The following B3GALT1 variants were observed in gnomAD, a reference collection of about 807,000 sequenced individuals.
B3GALT1 encodes UDP-Gal:betaGlcNAc beta 1,3-galactosyltransferase, polypeptide 1.
Under a neutral mutation model 23.2 loss-of-function variants are expected in B3GALT1, and 10 were observed. That is an observed-to-expected ratio of 0.43 (90% CI 0.27 to 0.73). B3GALT1 has a LOEUF of 0.73. Among genes scored for constraint, B3GALT1 ranks in the 30% least tolerant of loss-of-function variants. The pLI, the probability that B3GALT1 is intolerant of heterozygous loss-of-function variation, is 0.21. For synonymous variants in B3GALT1, 156 were observed against 141.5 expected, an observed-to-expected ratio of 1.10 and a Z score of -0.73; for missense variants, 299 against 405.4, an observed-to-expected ratio of 0.74 and a Z score of 2.25.
intron 3 of B3GALT1, among the ~76,000 whole-genome samples, chr2:167,740,514 CAA>C (rs1048173409): frequency 5.9e-5 from 9 of 151,914 alleles, no homozygotes; most frequent in African/African-American, 2.2e-4. Context: ...GCAAATAAAA[CAA>C]TATTGTTATA....
intron 1 of B3GALT1, among the ~76,000 whole-genome samples, chr2:167,352,126 AT>A (rs79128775): frequency 4.6e-3 from 628 of 137,962 alleles, no homozygotes; most frequent in Middle Eastern, 0.011. Flanking sequence ...TACCCGGCTA[AT>A]TTTTTTTTTT....
chr2:167,843,717 C>T (rs1408627035), intron 4 of B3GALT1, among the ~76,000 whole-genome samples: 1 of 152,220 alleles, frequency 6.6e-6, no homozygotes, highest in East Asian at 1.9e-4. Context: ...GTTCTGTGTA[C>T]TTGACCCATA....
chr2:167,793,420 G>C (rs12999150), intron 3 of B3GALT1, among the ~76,000 whole-genome samples: 1 of 151,992 alleles, frequency 6.6e-6, no homozygotes, highest in Non-Finnish European at 1.5e-5. Context: ...GGTTCGCCCC[G>C]TCCTGGATCA....
At chr2:167,522,812 G>T (rs1315560053) in intron 2 of B3GALT1, among the ~76,000 whole-genome samples, 1 of 152,120 alleles carries the variant, frequency 6.6e-6, no homozygotes, top group Non-Finnish European at 1.5e-5. Context: ...GTTTTTCAAT[G>T]AAAGAATGAG....
chr2:167,391,030 A>C (rs558459379), intron 1 of B3GALT1, among the ~76,000 whole-genome samples: 1 of 152,348 alleles, frequency 6.6e-6, no homozygotes, highest in East Asian at 1.9e-4. Context: ...ACTTGCTTTA[A>C]GATTTCTCAC....
In B3GALT1 at chr2:167,540,260, C is replaced by G. The variant is rs562839445; in HGVS notation, c.-410+49983C>G. Among the ~76,000 whole-genome samples, 5 of 152,266 alleles carry G rather than the reference C, an allele frequency of 3.3e-5. No individual in the cohort carries two copies. The East Asian group carries it at 9.7e-4, about 29-fold the overall frequency. ...GCATGCACCAAGAAAGTGCCTGCACCTGTTCCTACTCCAAACTATAGTGCC... is the reference window on the plus strand; with the variant it reads ...GCATGCACCAAGAAAGTGCCTGCACGTGTTCCTACTCCAAACTATAGTGCC... On this transcript the variant is annotated intron_variant, in intron 2 of 4. Transcript: ENST00000392690.
chr2:167,684,605 T>C (rs1009303208), intron 3 of B3GALT1, among the ~76,000 whole-genome samples: 1 of 152,368 alleles, frequency 6.6e-6, no homozygotes, highest in East Asian at 1.9e-4. Context: ...ATGATAAATA[T>C]AAGCCTCATT....
chr2:167,782,279 C>T (rs147135499), intron 3 of B3GALT1, among the ~76,000 whole-genome samples: 6 of 152,214 alleles, frequency 3.9e-5, no homozygotes, highest in East Asian at 1.9e-4. Context: ...TGAAGAGGAA[C>T]GGCGATGCCC....
At chr2:167,665,614 G>A (rs1396615735) in intron 3 of B3GALT1, among the ~76,000 whole-genome samples, 5 of 151,952 alleles carry the variant, frequency 3.3e-5, no homozygotes, top group East Asian at 1.9e-4. Flanking sequence ...TGGTTGGTAA[G>A]CTATTGATTA....
chr2:167,612,380 T>TTATTAC, intron 2 of B3GALT1, among the ~76,000 whole-genome samples: 2 of 149,840 alleles, frequency 1.3e-5, no homozygotes, highest in South Asian at 4.2e-4. Flanking sequence ...ATTATTATTA[T>TTATTAC]TATTATTATT....
chr2:167,791,067 A>G (rs1688430663), intron 3 of B3GALT1, among the ~76,000 whole-genome samples: 1 of 152,164 alleles, frequency 6.6e-6, no homozygotes, highest in African/African-American at 2.4e-5. Flanking sequence ...TTTATCCACC[A>G]AACACTTACA....
At chr2:167,763,618 G>A (rs1026427203) in intron 3 of B3GALT1, among the ~76,000 whole-genome samples, 3 of 146,874 alleles carry the variant, frequency 2.0e-5, no homozygotes, top group African/African-American at 7.5e-5. Flanking sequence ...TTGAGCCCAG[G>A]AGGCAGAGGT....
intron 3 of B3GALT1, among the ~76,000 whole-genome samples, chr2:167,746,906 A>G (rs1189682938): frequency 6.6e-6 from 1 of 152,200 alleles, no homozygotes; most frequent in Non-Finnish European, 1.5e-5. Context: ...TTGAAAGTGC[A>G]TGCATTCTAT....
intron 2 of B3GALT1, among the ~76,000 whole-genome samples, chr2:167,625,973 A>G (rs1034890013): frequency 5.5e-5 from 5 of 91,338 alleles, no homozygotes; most frequent in Admixed American, 1.2e-4. Flanking sequence ...ATATATATAT[A>G]TATATATATA....
intron 3 of B3GALT1, among the ~76,000 whole-genome samples, chr2:167,817,856 C>T (rs1689026122): frequency 6.6e-6 from 1 of 152,188 alleles, no homozygotes; most frequent in Non-Finnish European, 1.5e-5. Context: ...CAATAGAAGG[C>T]AGGTCTAGTT....
chr2:167,868,282 G>C (rs1690272773), intron 4 of B3GALT1, among the ~76,000 whole-genome samples: 1 of 152,184 alleles, frequency 6.6e-6, no homozygotes, highest in African/African-American at 2.4e-5. Flanking sequence ...AACCAAGAGA[G>C]ACACAGCATT....
chr2:167,655,713 A>G (rs887502956), intron 3 of B3GALT1, among the ~76,000 whole-genome samples: 2 of 152,188 alleles, frequency 1.3e-5, no homozygotes, highest in Non-Finnish European at 2.9e-5. Flanking sequence ...TCAGTTATAC[A>G]TATGTGTAAA....
chr2:167,821,970 A>G (rs1425387747), intron 4 of B3GALT1, among the ~76,000 whole-genome samples: 2 of 152,204 alleles, frequency 1.3e-5, no homozygotes, highest in South Asian at 2.1e-4. Context: ...TGTATCCTTA[A>G]TATAGTCTAG....
intron 1 of B3GALT1, among the ~76,000 whole-genome samples, chr2:167,350,418 AAAAATGGTTTATATATCTGAGC>A (rs1697292030): frequency 6.6e-6 from 1 of 152,232 alleles, no homozygotes; most frequent in African/African-American, 2.4e-5. Context: ...GTCTTTTAAG[AAAAATGGTTTATATATCTGAGC>A]AAAGGGTTCA....
Sources: gnomAD v4.1 joint callset for allele counts (sites outside exome capture counted in the v4.1 genomes callset) on GRCh38, gnomAD v4.1.1 for gene constraint, MANE v1.5 for transcripts, NCBI Gene and HGNC (gene_info 2026-07-23, HGNC 2026-07-21) for gene names.